Variants in ARID1B observed in about 807,000 individuals in gnomAD.
ARID1B encodes AT-rich interaction domain 1B.
Under a neutral mutation model 212.3 loss-of-function variants are expected in ARID1B, and 30 were observed. The ratio of observed to expected loss-of-function variants is 0.14; its 90% CI spans 0.11 to 0.19. ARID1B has a LOEUF of 0.19. Ranked by LOEUF, ARID1B falls within the 10% of genes least tolerant of loss-of-function variation. ARID1B has a pLI of 1.00. For missense variants in ARID1B, 2,891 were observed against 3,204.0 expected, an observed-to-expected ratio of 0.90 and a Z score of 2.36; for synonymous variants, 1,402 against 1,301.7, an observed-to-expected ratio of 1.08 and a Z score of -1.66.
Position 157,187,748 on chromosome 6 carries a change from T to C in ARID1B, c.3920-1894T>C, listed in dbSNP as rs1306381663. ...AGAGGTTGCATTCATTTTTTTTTTT[T>C]CCATGAAAGGAAAGGAAAAAAAAAA... On this transcript the variant is annotated intron_variant, in intron 13 of 19. Transcript: ENST00000636930. Among the ~76,000 whole-genome samples the C allele has an allele frequency of 2.7e-5, 4 of 150,876 alleles. No individual in the cohort carries two copies. The East Asian group carries it at 7.7e-4, about 29-fold the overall frequency.
intron 1 of ARID1B, among the ~76,000 whole-genome samples, chr6:156,794,258 T>TC (rs1197280591): frequency 6.6e-6 from 1 of 152,166 alleles, no homozygotes; most frequent in Non-Finnish European, 1.5e-5. Flanking sequence ...TTTTTTCTTT[T>TC]CTTTTTTTGG....
intron 4 of ARID1B, among the ~76,000 whole-genome samples, chr6:156,993,024 A>G (rs560022864): frequency 1.3e-5 from 2 of 151,642 alleles, no homozygotes; most frequent in African/African-American, 2.4e-5. Context: ...TTTAGGCCAT[A>G]ATTGTATATA....
At chr6:156,980,466 A>G (rs554895314) in intron 4 of ARID1B, among the ~76,000 whole-genome samples, 35 of 151,082 alleles carry the variant, frequency 2.3e-4, no homozygotes, top group African/African-American at 8.3e-4. Flanking sequence ...CTGGGCGACA[A>G]GAGCCAACCT....
chr6:157,185,831 A>G (rs1206827182), intron 13 of ARID1B: 1 of 152,252 alleles, frequency 6.6e-6, no homozygotes, highest in Admixed American at 6.5e-5. Flanking sequence ...ACTTGTAGTG[A>G]ATATACCTAG....
intron 4 of ARID1B, among the ~76,000 whole-genome samples, chr6:156,980,479 A>G (rs1777539127): frequency 1.5e-5 from 2 of 130,986 alleles, no homozygotes; most frequent in South Asian, 5.9e-4. Context: ...GCCAACCTAC[A>G]TCTCAAAAAC....
rs149174759 is a variant in ARID1B at position 157,112,038 on chromosome 6, A to G, written c.2581+1477A>G. Among the ~76,000 whole-genome samples the G allele has an allele frequency of 8.6e-3, 1,312 of 152,212 alleles. 26 individuals carry two copies. Among genetic ancestry groups the G allele is most frequent in the African/African-American group, 0.03 (1,238 of 41,516 alleles). On this transcript the variant is annotated intron_variant, in intron 6 of 19. Coordinates refer to ENST00000636930, the MANE Select transcript of ARID1B (RefSeq NM_001374828.1). The stretch of plus-strand genomic sequence containing the variant: ...ACCACTGCCTTCTAATAGTACAATA[A>G]TAGGTTTTTGAGGTGGGAGAATCAC...
At chr6:156,824,729 C>T (rs1403696716) in intron 1 of ARID1B, among the ~76,000 whole-genome samples, 1 of 152,164 alleles carries the variant, frequency 6.6e-6, no homozygotes, top group African/African-American at 2.4e-5. Flanking sequence ...TGTGCCACTG[C>T]ACTCCAGTCT....
chr6:157,030,567 A>G (rs1780959707), intron 4 of ARID1B, among the ~76,000 whole-genome samples: 1 of 152,174 alleles, frequency 6.6e-6, no homozygotes, highest in Non-Finnish European at 1.5e-5. Flanking sequence ...TCCTCTGTGG[A>G]GGTATCCTCA....
intron 4 of ARID1B, among the ~76,000 whole-genome samples, chr6:156,977,365 A>T (rs1583064926): frequency 2.9e-5 from 4 of 137,388 alleles, no homozygotes; most frequent in African/African-American, 5.5e-5. Flanking sequence ...TTTGTGTTTT[A>T]TTTTTCCTTT....
At chr6:157,097,474 A>G (rs532252528) in intron 5 of ARID1B, among the ~76,000 whole-genome samples, 27 of 152,068 alleles carry the variant, frequency 1.8e-4, no homozygotes, top group African/African-American at 6.0e-4. Flanking sequence ...CCTACAGGGC[A>G]CAGCAAGCGC....
chr6:156,865,535 C>T (rs1050803155), intron 2 of ARID1B, among the ~76,000 whole-genome samples: 36 of 152,140 alleles, frequency 2.4e-4, no homozygotes, highest in African/African-American at 8.7e-4. Context: ...AGTTTTGTCT[C>T]AGTCCATTTT....
At chr6:156,946,894 T>C (rs1462010709) in intron 4 of ARID1B, among the ~76,000 whole-genome samples, 1 of 152,224 alleles carries the variant, frequency 6.6e-6, no homozygotes, top group Admixed American at 6.5e-5. Flanking sequence ...AGCAACTCAC[T>C]CATCTTTGCT....
chr6:156,975,613 C>CTTTTTTTTTTTTTT (rs367797338), intron 4 of ARID1B, among the ~76,000 whole-genome samples: 7 of 110,848 alleles, frequency 6.3e-5, no homozygotes, highest in African/African-American at 1.0e-4. Context: ...TTTTTTTTTT[C>CTTTTTTTTTTTTTT]TTTTTTTTTT....
At chr6:157,001,970 G>T (rs1169114674) in intron 4 of ARID1B, among the ~76,000 whole-genome samples, 2 of 152,232 alleles carry the variant, frequency 1.3e-5, no homozygotes, top group East Asian at 3.8e-4. Context: ...TTATTGAGAA[G>T]GCGTGCAGTG....
At chr6:156,926,789 C>G (rs1791253945) in intron 3 of ARID1B, among the ~76,000 whole-genome samples, 1 of 152,154 alleles carries the variant, frequency 6.6e-6, no homozygotes, top group Non-Finnish European at 1.5e-5. Flanking sequence ...TCAAGTGATT[C>G]TCCTGCCTCA....
At chr6:157,010,770 T>C (rs1403517146) in intron 4 of ARID1B, among the ~76,000 whole-genome samples, 2 of 152,198 alleles carry the variant, frequency 1.3e-5, no homozygotes, top group African/African-American at 4.8e-5. Context: ...TGAAAAATCT[T>C]TCTCTAGTGC....
At chr6:156,851,494 T>G (rs1373016731) in intron 2 of ARID1B, among the ~76,000 whole-genome samples, 2 of 152,212 alleles carry the variant, frequency 1.3e-5, no homozygotes, top group African/African-American at 2.4e-5. Context: ...TGGATCTAGG[T>G]TATTACAGGG....
intron 4 of ARID1B, among the ~76,000 whole-genome samples, chr6:157,026,309 C>CTG (rs924829059): frequency 4.6e-5 from 7 of 152,220 alleles, no homozygotes; most frequent in African/African-American, 1.7e-4. Flanking sequence ...ATACTGCTTT[C>CTG]TGTGGTGTAG....
intron 4 of ARID1B, among the ~76,000 whole-genome samples, chr6:156,974,478 T>C (rs963273181): frequency 2.0e-5 from 3 of 152,216 alleles, no homozygotes; most frequent in Non-Finnish European, 2.9e-5. Context: ...TAATTTTGTT[T>C]AAGATTGGAG....
Sources: allele counts gnomAD v4.1 joint callset (sites outside exome capture counted in the v4.1 genomes callset), GRCh38; gene constraint gnomAD v4.1.1; transcripts MANE v1.5; gene names NCBI Gene and HGNC (gene_info 2026-07-23, HGNC 2026-07-21).